Variants in PPP1R1C observed in about 807,000 individuals in gnomAD.
PPP1R1C encodes protein phosphatase 1 regulatory inhibitor subunit 1C, also known as protein phosphatase 1 regulatory subunit 1C.
In PPP1R1C, 15 loss-of-function variants were observed where a neutral mutation model predicts 17.4. The observed-to-expected ratio is 0.86, with a 90% confidence interval of 0.58 to 1.33. The LOEUF (loss-of-function observed/expected upper bound fraction) is 1.33, where lower values mean the gene tolerates loss of function less well. Among genes scored for constraint, PPP1R1C ranks in the 40% most tolerant of loss-of-function variants. The pLI, the probability that PPP1R1C is intolerant of heterozygous loss-of-function variation, is 0.00. For missense variants in PPP1R1C, 143 were observed against 130.0 expected (o/e 1.10, Z -0.48); for synonymous variants, 35 against 43.1 (o/e 0.81, Z 0.73).
intron 2 of PPP1R1C, among the ~76,000 whole-genome samples, chr2:182,045,521 A>T (rs139353848): frequency 6.6e-6 from 1 of 152,146 alleles, no homozygotes; most frequent in Admixed American, 6.5e-5. Context: ...GTTTATAATC[A>T]TCCATATGTA....
chr2:181,958,147 A>G (rs1684701591), intron 1 of PPP1R1C, among the ~76,000 whole-genome samples: 1 of 152,204 alleles, frequency 6.6e-6, no homozygotes, highest in African/African-American at 2.4e-5. Flanking sequence ...AAAAATCAGC[A>G]GGGGGGCTTA....
intron 1 of PPP1R1C, among the ~76,000 whole-genome samples, chr2:181,968,677 T>C (rs1684950146): frequency 6.6e-6 from 1 of 152,142 alleles, no homozygotes; most frequent in African/African-American, 2.4e-5. Context: ...TTGGAGAGTT[T>C]AGTTCTTTTA....
intron 2 of PPP1R1C, chr2:182,030,770 A>G (rs1574393980): frequency 1.3e-5 from 2 of 154,288 alleles, no homozygotes; most frequent in African/African-American, 4.8e-5. Flanking sequence ...TGCTTTGTTT[A>G]CCTAAGCAAG....
chr2:182,015,818 C>T (rs118100552), intron 2 of PPP1R1C, among the ~76,000 whole-genome samples: 6 of 152,176 alleles, frequency 3.9e-5, no homozygotes, highest in Admixed American at 3.3e-4. Context: ...ATTGTCTGCT[C>T]TTCTCAAGCA....
In PPP1R1C at chr2:181,961,399, C is replaced by A; in HGVS notation, n.111+6765C>A. The stretch of plus-strand genomic sequence containing the variant: ...GATGTTCAGCAGAGCCTCGTACTCC[C>A]CGATCTGGTGCTGTCCCTCTGCCCG... On this transcript the variant is annotated intron_variant and non_coding_transcript_variant, in intron 1 of 5. Coordinates refer to the PPP1R1C transcript ENST00000464264. This position sits in a 1 kb window ranked among gnomAD's most constrained non-coding sequence, Gnocchi z 5.8. 1.4e-6 allele frequency: 1 copy of A among 726,026 alleles called. No homozygotes were observed. 45.0% of individuals were successfully genotyped at this position (726,026 alleles called of 1,614,324 possible). A position where few individuals can be genotyped will look rare whatever the true frequency, so the allele number is the denominator to read the frequency against.
intron 4 of PPP1R1C, among the ~76,000 whole-genome samples, chr2:182,096,164 T>C (rs1457726912): frequency 6.6e-6 from 1 of 152,130 alleles, no homozygotes; most frequent in Non-Finnish European, 1.5e-5. Context: ...AAGTAGGTAG[T>C]TGTGGGAAAA....
intron 2 of PPP1R1C, among the ~76,000 whole-genome samples, chr2:182,009,576 G>T (rs1011342655): frequency 2.0e-5 from 3 of 151,952 alleles, no homozygotes; most frequent in East Asian, 3.9e-4. Context: ...TTCGGTGGGG[G>T]TGTCTATTCA....
In PPP1R1C at chr2:182,117,473, A is replaced by T; in HGVS notation, c.*178A>T. ...TTGACTGAACTTTAGAACTAAGTAC[A>T]CATTGTTCCACATCACTTATAATTA... On this transcript the variant is annotated 3_prime_UTR_variant, in exon 5 of 5. Coordinates refer to ENST00000682840, the MANE Select transcript of PPP1R1C (RefSeq NM_001080545.3). The T allele has an allele frequency of 2.0e-6, 1 of 504,582 alleles. No homozygotes were observed. The highest frequency in any genetic ancestry group is 3.6e-6 in the Non-Finnish European group (1 of 281,212). 31.3% of individuals were successfully genotyped at this position (504,582 alleles called of 1,614,324 possible). A position where few individuals can be genotyped will look rare whatever the true frequency, so the allele number is the denominator to read the frequency against.
intron 4 of PPP1R1C, among the ~76,000 whole-genome samples, chr2:182,070,497 A>T (rs1688109582): frequency 6.6e-6 from 1 of 152,226 alleles, no homozygotes; most frequent in Non-Finnish European, 1.5e-5. Flanking sequence ...TTTAAAACAG[A>T]ATAAATCCCA....
chr2:181,956,939 A>G (rs111583250), intron 1 of PPP1R1C, among the ~76,000 whole-genome samples: 1 of 152,330 alleles, frequency 6.6e-6, no homozygotes, highest in Non-Finnish European at 1.5e-5. Context: ...GTCACTCTGT[A>G]ATTAATTCTA....
At chr2:182,014,696 G>C (rs909245566) in intron 2 of PPP1R1C, among the ~76,000 whole-genome samples, 3 of 151,972 alleles carry the variant, frequency 2.0e-5, no homozygotes, top group Non-Finnish European at 4.4e-5. Context: ...CCTAGAACAG[G>C]GAACGTTAGT....
chr2:182,001,507 C>A (rs1685767183), intron 2 of PPP1R1C, among the ~76,000 whole-genome samples: 1 of 152,092 alleles, frequency 6.6e-6, no homozygotes, highest in South Asian at 2.1e-4. Context: ...CAATTCAATG[C>A]CATCAGATAG....
intron 4 of PPP1R1C, among the ~76,000 whole-genome samples, chr2:182,083,755 A>G (rs186022931): frequency 3.4e-4 from 52 of 152,148 alleles, no homozygotes; most frequent in African/African-American, 1.1e-3. Context: ...TGCTATAATG[A>G]CTTCTTTTCC....
chr2:182,056,234 G>T (rs887245964), intron 2 of PPP1R1C, among the ~76,000 whole-genome samples: 1 of 152,154 alleles, frequency 6.6e-6, no homozygotes, highest in Non-Finnish European at 1.5e-5. Flanking sequence ...TCTTTCACAC[G>T]AAGTCAGTTC....
intron 2 of PPP1R1C, among the ~76,000 whole-genome samples, chr2:182,015,917 G>A (rs1686251656): frequency 6.6e-6 from 1 of 152,162 alleles, no homozygotes; most frequent in African/African-American, 2.4e-5. Context: ...GGCTGCCCTG[G>A]CTGGTATCTC....
chr2:182,083,828 G>A (rs1236438142), intron 4 of PPP1R1C, among the ~76,000 whole-genome samples: 2 of 152,076 alleles, frequency 1.3e-5, no homozygotes, highest in African/African-American at 4.8e-5. Context: ...TTAGTTCTTC[G>A]AGAAATCTCC....
chr2:182,077,107 G>A (rs1375568904), intron 4 of PPP1R1C, among the ~76,000 whole-genome samples: 2 of 152,080 alleles, frequency 1.3e-5, no homozygotes, highest in African/African-American at 2.4e-5. Context: ...AAATTACTAC[G>A]TGAATACTCA....
chr2:182,063,824 AG>A, intron 4 of PPP1R1C, 33 bp downstream of exon 4: 1 of 1,572,538 alleles, frequency 6.4e-7, no homozygotes, highest in Non-Finnish European at 8.8e-7. Flanking sequence ...GGTTGTCATG[AG>A]TGGTGAATCA....
intron 4 of PPP1R1C, among the ~76,000 whole-genome samples, chr2:182,095,917 G>A (rs2125224343): frequency 6.6e-6 from 1 of 151,690 alleles, no homozygotes; most frequent in African/African-American, 2.4e-5. Flanking sequence ...GGAGATTACA[G>A]TGAGCCAAGA....
Sources: gnomAD v4.1 joint callset for allele counts (sites outside exome capture counted in the v4.1 genomes callset) on GRCh38, gnomAD v4.1.1 for gene constraint, Gnocchi (gnomAD v3.1) non-coding constraint, MANE v1.5 for transcripts, NCBI Gene and HGNC (gene_info 2026-07-23, HGNC 2026-07-21) for gene names.